The following EIF4G3 variants were observed in gnomAD, a reference collection of about 807,000 sequenced individuals.
EIF4G3 encodes eukaryotic translation initiation factor 4 gamma 3.
EIF4G3 carries 34 observed loss-of-function variants against 186.4 expected under a neutral mutation model. That is an observed-to-expected ratio of 0.18 (90% CI 0.14 to 0.24). The LOEUF (loss-of-function observed/expected upper bound fraction) is 0.24. Ranked by LOEUF, EIF4G3 falls within the 10% of genes least tolerant of loss-of-function variation. The probability of loss-of-function intolerance (pLI) is 1.00; values close to 1 mark genes in which losing one functional copy is unlikely to be tolerated. For missense variants in EIF4G3, 1,536 were observed against 1,948.5 expected, an observed-to-expected ratio of 0.79 and a Z score of 3.99; for synonymous variants, 673 against 679.5, an observed-to-expected ratio of 0.99 and a Z score of 0.15.
At chr1:20,954,089 C>T (rs1344527016) in intron 12 of EIF4G3, among the ~76,000 whole-genome samples, 1 of 152,166 alleles carries the variant, frequency 6.6e-6, no homozygotes, top group Non-Finnish European at 1.5e-5. Context: ...CAAATAGTTA[C>T]ATAAATATAA....
At chr1:20,925,337 A>G (rs1327327166) in intron 14 of EIF4G3, among the ~76,000 whole-genome samples, 1 of 152,192 alleles carries the variant, frequency 6.6e-6, no homozygotes, top group Admixed American at 6.5e-5. Flanking sequence ...ACTGATTTAA[A>G]TATTTCAAAT....
intron 2 of EIF4G3, among the ~76,000 whole-genome samples, chr1:21,122,106 T>A (rs1390853066): frequency 6.6e-6 from 1 of 152,146 alleles, no homozygotes. Context: ...ATAGCCACCA[T>A]CCTCTAATTC....
intron 34 of EIF4G3, among the ~76,000 whole-genome samples, chr1:20,815,397 G>C (rs1345051973): frequency 7.4e-6 from 1 of 135,088 alleles, no homozygotes; most frequent in Non-Finnish European, 1.6e-5. Flanking sequence ...TGCCTGACCC[G>C]CCCATCGTCT....
intron 3 of EIF4G3, among the ~76,000 whole-genome samples, chr1:21,068,890 C>T (rs754132772): frequency 2.6e-5 from 4 of 152,194 alleles, no homozygotes; most frequent in Non-Finnish European, 5.9e-5. Context: ...TTCAGCACCC[C>T]CAATCTGAAA....
At chr1:21,123,313 A>T (rs2096959989) in intron 2 of EIF4G3, among the ~76,000 whole-genome samples, 1 of 152,138 alleles carries the variant, frequency 6.6e-6, no homozygotes, top group South Asian at 2.1e-4. Flanking sequence ...CTGTAATCCA[A>T]GCACTGTGGG....
Position 20,899,829 on chromosome 1 carries a change from C to T in EIF4G3, c.1867G>A (p.Val623Met), listed in dbSNP as rs758236418. The change falls in exon 16 of 37, where the codon GTG becomes ATG. Residue 623 changes from valine to methionine, a missense_variant. Val to Met is a conservative substitution (Grantham distance 21). This residue lies in a region of EIF4G3 where 560 missense variants were observed against 547.8 expected (regional missense o/e 1.02). Coordinates refer to ENST00000602326, the MANE Select transcript of EIF4G3 (RefSeq NM_001391906.1). ...TCAGCTTCTTCTCCATTTTCTTCCACAGCTTTCACTTTTTTTAGGTCAGAG... is the reference window on the plus strand; with the variant it reads ...TCAGCTTCTTCTCCATTTTCTTCCATAGCTTTCACTTTTTTTAGGTCAGAG... Reference protein sequence around the residue: ...DPSDLKKVKAVEENGEEAEPV... With the variant: ...DPSDLKKVKAMEENGEEAEPV... 4 of 1,614,182 alleles carry T rather than the reference C, an allele frequency of 2.5e-6. No individual in the cohort carries two copies. The highest frequency in any genetic ancestry group is 2.5e-6 in the Non-Finnish European group (3 of 1,180,014).
At chr1:21,005,507 C>CT in intron 4 of EIF4G3, among the ~76,000 whole-genome samples, 1 of 152,194 alleles carries the variant, frequency 6.6e-6, no homozygotes. Flanking sequence ...TCATAGCTGT[C>CT]GTACTATTGA....
At chr1:21,152,850 G>A (rs1429695767) in intron 2 of EIF4G3, among the ~76,000 whole-genome samples, 4 of 152,140 alleles carry the variant, frequency 2.6e-5, no homozygotes, top group East Asian at 1.9e-4. Context: ...AGCCAAGCAC[G>A]ATGTACACAC....
At chr1:20,974,899 A>G (rs1431175556) in intron 10 of EIF4G3, among the ~76,000 whole-genome samples, 2 of 152,174 alleles carry the variant, frequency 1.3e-5, no homozygotes, top group Non-Finnish European at 2.9e-5. Context: ...AAAAATATGT[A>G]CGAGGGTAGT....
At chr1:20,955,394 G>A (rs941318875) in intron 12 of EIF4G3, among the ~76,000 whole-genome samples, 9 of 152,154 alleles carry the variant, frequency 5.9e-5, no homozygotes, top group South Asian at 2.1e-4. Flanking sequence ...AACATGCCCA[G>A]CTATTTTTTC....
chr1:20,817,631 C>A, intron 33 of EIF4G3, 93 bp from the exon 34 acceptor site: 26 of 566,662 alleles, frequency 4.6e-5, no homozygotes, highest in Non-Finnish European at 5.2e-5. Context: ...GTTACGTCTT[C>A]TATTTTACAT....
At chr1:20,910,266 T>C (rs1452448441) in intron 14 of EIF4G3, among the ~76,000 whole-genome samples, 2 of 152,118 alleles carry the variant, frequency 1.3e-5, no homozygotes, top group Non-Finnish European at 2.9e-5. Flanking sequence ...ATTAAGACAT[T>C]TTATTCAAAA....
chr1:21,023,519 C>T (rs974023918), intron 4 of EIF4G3, among the ~76,000 whole-genome samples: 2 of 152,174 alleles, frequency 1.3e-5, no homozygotes, highest in South Asian at 2.1e-4. Context: ...CTCGGCCTCC[C>T]GAGGTGCCGG....
At chr1:20,875,022 T>A (rs2080345018) in intron 20 of EIF4G3, among the ~76,000 whole-genome samples, 1 of 152,216 alleles carries the variant, frequency 6.6e-6, no homozygotes, top group East Asian at 1.9e-4. Flanking sequence ...GTCACCAGGC[T>A]GGAGTAAGTA....
At chr1:20,857,326 TTG>T (rs145504996) in intron 25 of EIF4G3, 75 bp downstream of exon 25, 13,317 of 1,022,396 alleles carry the variant, frequency 0.013, 1 homozygote, top group Non-Finnish European at 0.014. Context: ...CTATTGTAAA[TTG>T]TGTGTGTGTG....
intron 2 of EIF4G3, among the ~76,000 whole-genome samples, chr1:21,156,123 G>A (rs2097655582): frequency 8.0e-6 from 1 of 125,446 alleles, no homozygotes; most frequent in Non-Finnish European, 1.7e-5. Flanking sequence ...GCGAAACTCT[G>A]TCTCAAAAAA....
intron 2 of EIF4G3, among the ~76,000 whole-genome samples, chr1:21,098,708 T>C (rs2096446737): frequency 6.6e-6 from 1 of 152,152 alleles, no homozygotes; most frequent in Non-Finnish European, 1.5e-5. Flanking sequence ...TGGAGTGCAG[T>C]TGCAGGATCA....
chr1:21,010,097 G>GA (rs1206140487), intron 4 of EIF4G3, among the ~76,000 whole-genome samples: 9 of 152,112 alleles, frequency 5.9e-5, no homozygotes, highest in Middle Eastern at 3.4e-3. Context: ...TGATGAAACT[G>GA]AAAAAATAAA....
chr1:21,173,179 A>G (rs1369075116), intron 2 of EIF4G3, among the ~76,000 whole-genome samples: 2 of 146,392 alleles, frequency 1.4e-5, no homozygotes, highest in Middle Eastern at 3.3e-3. Flanking sequence ...GTGGGTTCCA[A>G]ACATTTTCTA....
Sources: allele counts gnomAD v4.1 joint callset (sites outside exome capture counted in the v4.1 genomes callset), GRCh38; gene constraint gnomAD v4.1.1; regional missense constraint gnomAD v4.1.1; transcripts MANE v1.5; gene names NCBI Gene and HGNC (gene_info 2026-07-23, HGNC 2026-07-21).